The following CDK5 variants were observed in gnomAD, a reference collection of about 807,000 sequenced individuals.
CDK5 encodes cyclin dependent kinase 5, also known as cyclin-dependent kinase 5.
A neutral mutation model predicts 44.6 loss-of-function variants in CDK5; 18 were observed. The ratio of observed to expected loss-of-function variants is 0.40; its 90% CI spans 0.28 to 0.60. CDK5 has a LOEUF of 0.60. Ranked by LOEUF, CDK5 falls within the 20% of genes least tolerant of loss-of-function variation. The probability of loss-of-function intolerance (pLI) is 0.38; values close to 1 mark genes in which losing one functional copy is unlikely to be tolerated. For missense variants in CDK5, 198 were observed against 368.1 expected (o/e 0.54, Z 3.78); for synonymous variants, 143 against 152.8 (o/e 0.94, Z 0.47).
chr7:151,055,807 A>G lies in CDK5; in HGVS notation c.354T>C (p.His118=), dbSNP rs749567698. The change falls in exon 6 of 12, where the codon CAT becomes CAC. Residue 118 remains histidine (H), a synonymous_variant. Coordinates refer to ENST00000485972, the MANE Select transcript of CDK5 (RefSeq NM_004935.4). The part of the protein sequence containing the change: ...FQLLKGLGFC[H]SRNVLHRDLK... The stretch of plus-strand genomic sequence containing the variant: ...GGTCCCTGTGTAGCACATTGCGGCT[A>G]TGACAGAATCCCAGCCCTTTTAGTA... 1 of 1,612,458 alleles carries G rather than the reference A, an allele frequency of 6.2e-7. No homozygotes were observed. The highest frequency in any genetic ancestry group is 2.2e-5 in the East Asian group (1 of 44,862).
In CDK5 at chr7:151,055,553, G is replaced by A. The variant is rs764437263; in HGVS notation, c.462C>T (p.Pro154=). 82 of 1,613,652 alleles carry A rather than the reference G, an allele frequency of 5.1e-5. No homozygotes were observed. The highest frequency in any genetic ancestry group is 6.7e-5 in the African/African-American group (5 of 74,926). ...TCACCTCAGCTGAGTAACAGCGGAC[G>A]GGAATCCCAAAGGCTCGAGCCAGGC... The part of the protein sequence containing the change: ...DFGLARAFGI[P]VRCYSAEVVT... The change falls in exon 7 of 12, where the codon CCC becomes CCT. Residue 154 remains proline, a synonymous_variant. Coordinates refer to ENST00000485972, the MANE Select transcript of CDK5 (RefSeq NM_004935.4).
In CDK5 at chr7:151,057,796, C is replaced by T. The variant is rs1378175700; in HGVS notation, c.37+16G>A. The T allele has an allele frequency of 6.2e-7, 1 of 1,608,914 alleles. No homozygotes were observed. The highest frequency in any genetic ancestry group is 8.5e-7 in the Non-Finnish European group (1 of 1,177,554). On this transcript the variant is annotated intron_variant, in intron 1 of 11. Transcript: ENST00000485972. The surrounding 1 kb of genome is among the most constrained non-coding windows in gnomAD (Gnocchi z 5.2). Reference sequence around the variant, plus strand: ...TGCAGAGGAGCTCTTGCAGGAACATCTCGAGATTCCATTACCTTCCCCAAT... The same window carrying T: ...TGCAGAGGAGCTCTTGCAGGAACATTTCGAGATTCCATTACCTTCCCCAAT...
Position 151,057,528 on chromosome 7 carries a change from G to A in CDK5, c.37+284C>T, listed in dbSNP as rs908942234. ...AAACGAGGCTGGGGGTCGGGGTGAG[G>A]TTGTCCAAGTGCTGCTGAGGCTGGG... On this transcript the variant is annotated intron_variant, in intron 1 of 11. Coordinates refer to ENST00000485972, the MANE Select transcript of CDK5 (RefSeq NM_004935.4). This position sits in a 1 kb window ranked among gnomAD's most constrained non-coding sequence, Gnocchi z 5.2. 6.7e-6 allele frequency: 4 copies of A among 601,162 alleles called. No individual in the cohort carries two copies. Among genetic ancestry groups the A allele is most frequent in the Non-Finnish European group, 1.2e-5 (4 of 338,566 alleles). 37.2% of individuals were successfully genotyped at this position (601,162 alleles called of 1,614,324 possible). A position where few individuals can be genotyped will look rare whatever the true frequency, so the allele number is the denominator to read the frequency against.
Position 151,055,338 on chromosome 7 carries a change from G to A in CDK5, c.519C>T (p.Leu173=), listed in dbSNP as rs1269556994. Residue 173 remains leucine (L), a synonymous_variant, in exon 8 of 12, where the codon CTC becomes CTT. Transcript: ENST00000485972. ...ACGTGGAGTACAGCTTGGCCCCAAA[G>A]AGGACATCCGGTGGGCGGTACCACA... ...VTLWYRPPDV[L]FGAKLYSTSI... 4.3e-6 allele frequency: 7 copies of A among 1,613,946 alleles called. No homozygotes were observed. The South Asian group carries it at 4.4e-5, about 10-fold the overall frequency.
chr7:151,057,053 T>G lies in CDK5; in HGVS notation c.126+19A>C. On this transcript the variant is annotated intron_variant, in intron 2 of 11. Transcript: ENST00000485972. This position sits in a 1 kb window ranked among gnomAD's most constrained non-coding sequence, Gnocchi z 5.2. ...CCCTCAAACCCCTCCCCAGGCCGTA[T>G]CCCACTCCCCAGTCCTACCTCATCA... 1 of 1,612,270 alleles carries G rather than the reference T, an allele frequency of 6.2e-7. No individual in the cohort carries two copies. Among genetic ancestry groups the G allele is most frequent in the Non-Finnish European group, 8.5e-7 (1 of 1,178,498 alleles).
intron 8 of CDK5, 72 bp downstream of exon 8, chr7:151,055,205 G>A (rs1796870555): frequency 2.6e-6 from 4 of 1,566,652 alleles, no homozygotes; most frequent in Non-Finnish European, 3.5e-6. Context: ...TTCCCCCAGA[G>A]GGGACCCTCC....
At position 151,056,713 on chromosome 7, in the gene CDK5, G is replaced by C. The variant is rs371590011; in HGVS notation, c.255+23C>G. Reference sequence around the variant, plus strand: ...GCCCCTATACCTTCCCAAGGCTACTGTCCTCCAAACCCCGCCTTTCACCTG... The same window carrying C: ...GCCCCTATACCTTCCCAAGGCTACTCTCCTCCAAACCCCGCCTTTCACCTG... On this transcript the variant is annotated intron_variant, in intron 4 of 11. Transcript: ENST00000485972. This position sits in a 1 kb window ranked among gnomAD's most constrained non-coding sequence, Gnocchi z 4.7. The C allele has an allele frequency of 6.0e-5, 97 of 1,612,456 alleles. No individual in the cohort carries two copies. Among genetic ancestry groups the C allele is most frequent in the Non-Finnish European group, 7.8e-5 (92 of 1,179,228 alleles).
Position 151,056,859 on chromosome 7 carries a change from G to T in CDK5, c.194+49C>A. ...TGACAGACGTCCAGTGTCAGCCCCCGCCTCCCCCAAGCGGCCACACCGGCA... is the reference window on the plus strand; with the variant it reads ...TGACAGACGTCCAGTGTCAGCCCCCTCCTCCCCCAAGCGGCCACACCGGCA... On this transcript the variant is annotated intron_variant, in intron 3 of 11. Coordinates refer to ENST00000485972, the MANE Select transcript of CDK5 (RefSeq NM_004935.4). The surrounding 1 kb of genome is among the most constrained non-coding windows in gnomAD (Gnocchi z 4.7). 6.3e-7 allele frequency: 1 copy of T among 1,593,576 alleles called. No individual in the cohort carries two copies. The highest frequency in any genetic ancestry group is 8.5e-7 in the Non-Finnish European group (1 of 1,170,292).
rs35051446 is a variant in CDK5 at position 151,053,923 on chromosome 7, G to A, written c.*86C>T. On this transcript the variant is annotated 3_prime_UTR_variant, in exon 12 of 12. Transcript: ENST00000485972. ...GGGCCCAGCACTGCTGGAGCACAGC[G>A]CACCAGGCACCCCCACTGTCTCACC... is the stretch of plus-strand genomic sequence containing the variant. 9.2e-6 allele frequency: 11 copies of A among 1,201,372 alleles called. No individual in the cohort carries two copies. The highest frequency in any genetic ancestry group is 3.0e-5 in the African/African-American group (2 of 66,018). 74.4% of individuals were successfully genotyped at this position (1,201,372 alleles called of 1,614,324 possible).
Position 151,057,599 on chromosome 7 carries a change from G to A in CDK5, c.37+213C>T, listed in dbSNP as rs144861915. On this transcript the variant is annotated intron_variant, in intron 1 of 11. Coordinates refer to ENST00000485972, the MANE Select transcript of CDK5 (RefSeq NM_004935.4). This position sits in a 1 kb window ranked among gnomAD's most constrained non-coding sequence, Gnocchi z 5.2. ...TCGCGGTTGGGAGGTCGGGTCTACT[G>A]GGAACGCTAAGGTTGGAGTGAGAGC... 1 of 657,404 alleles carries A rather than the reference G, an allele frequency of 1.5e-6. No individual in the cohort carries two copies. Among genetic ancestry groups the A allele is most frequent in the African/African-American group, 1.8e-5 (1 of 55,270 alleles). 40.7% of individuals were successfully genotyped at this position (657,404 alleles called of 1,614,324 possible). A position where few individuals can be genotyped will look rare whatever the true frequency, so the allele number is the denominator to read the frequency against.
chr7:151,057,135 G>C lies in CDK5; in HGVS notation c.63C>G (p.Ala21=). Residue 21 remains alanine (A), a synonymous_variant, in exon 2 of 12, where the codon GCC becomes GCG. Coordinates refer to ENST00000485972, the MANE Select transcript of CDK5 (RefSeq NM_004935.4). The surrounding 1 kb of genome is among the most constrained non-coding windows in gnomAD (Gnocchi z 5.2). The part of the protein sequence containing the change: ...GEGTYGTVFK[A]KNRETHEIVA... ...CGATCTCATGAGTCTCCCGGTTTTT[G>C]GCCTTGAACACAGTTCCGTAGGTGC... is the stretch of plus-strand genomic sequence containing the variant. 1 of 1,613,922 alleles carries C rather than the reference G, an allele frequency of 6.2e-7. No individual in the cohort carries two copies. The highest frequency in any genetic ancestry group is 8.5e-7 in the Non-Finnish European group (1 of 1,179,850).
Position 151,057,338 on chromosome 7 carries a change from G to A in CDK5, c.38-178C>T, listed in dbSNP as rs1796920229. 3 of 645,666 alleles carry A rather than the reference G, an allele frequency of 4.6e-6. No homozygotes were observed. In the East Asian group the frequency reaches 8.0e-5, roughly 17 times the overall value. 40.0% of individuals were successfully genotyped at this position (645,666 alleles called of 1,614,324 possible). A position where few individuals can be genotyped will look rare whatever the true frequency, so the allele number is the denominator to read the frequency against. On this transcript the variant is annotated intron_variant, in intron 1 of 11. Coordinates refer to ENST00000485972, the MANE Select transcript of CDK5 (RefSeq NM_004935.4). This position sits in a 1 kb window ranked among gnomAD's most constrained non-coding sequence, Gnocchi z 5.2. ...GGCAGGTGGGGAGGGAGGAGAAGGT[G>A]CCCACCGAGGCTCCAGGGGCTCGGC...
rs1796893218 is a variant in CDK5, at chr7:151,056,317, G to A, written c.312+263C>T. 3 of 587,486 alleles carry A rather than the reference G, an allele frequency of 5.1e-6. No individual in the cohort carries two copies. The highest frequency in any genetic ancestry group is 2.1e-5 in the South Asian group (1 of 47,764). The allele number at this position is 587,486 out of a possible 1,614,324, so 36.4% of individuals were successfully genotyped here. ...GTAAGTATGTGTTGAATGAATGAGT[G>A]TATCTCCTTGAACCTCATTTTCTCA... On this transcript the variant is annotated intron_variant, in intron 5 of 11. Transcript: ENST00000485972. This position sits in a 1 kb window ranked among gnomAD's most constrained non-coding sequence, Gnocchi z 4.7.
At position 151,054,077 on chromosome 7, in the gene CDK5, G is replaced by T; in HGVS notation, c.811C>A (p.Pro271Thr). The T allele has an allele frequency of 6.2e-7, 1 of 1,601,930 alleles. No individual in the cohort carries two copies. Among genetic ancestry groups the T allele is most frequent in the Non-Finnish European group, 8.5e-7 (1 of 1,174,396 alleles). ...DLLQNLLKCN[P>T]VQRISAEEAL... ...TCTTCTGCTGAGATACGCTGGACAG[G>T]GTTACACTTCAGAAGGTTCTGGAGA... The change falls in exon 12 of 12, where the codon CCT becomes ACT. Residue 271 changes from proline (P) to threonine (T), a missense_variant. Pro to Thr is a conservative substitution (Grantham distance 38). This residue lies in a region of CDK5 where 81 missense variants were observed against 102.1 expected (regional missense o/e 0.79). Coordinates refer to ENST00000485972, the MANE Select transcript of CDK5 (RefSeq NM_004935.4). The surrounding 1 kb of genome is among the most constrained non-coding windows in gnomAD (Gnocchi z 5.7).
At position 151,055,151 on chromosome 7, in the gene CDK5, G is replaced by T. The variant is rs372172153; in HGVS notation, c.581-55C>A. 5 of 1,583,770 alleles carry T rather than the reference G, an allele frequency of 3.2e-6. No homozygotes were observed. In the African/African-American group the frequency reaches 6.7e-5, roughly 21 times the overall value. On this transcript the variant is annotated intron_variant, in intron 8 of 11. Transcript: ENST00000485972. ...ACATGTGAAGGACCCCTCACTCTGAGGTACCCCCTGACCTTCCAGCTCCAG... is the reference window on the plus strand; with the variant it reads ...ACATGTGAAGGACCCCTCACTCTGATGTACCCCCTGACCTTCCAGCTCCAG...
rs1354558557 is a variant in CDK5, at chr7:151,057,850, G to A, written c.-2C>T. On this transcript the variant is annotated 5_prime_UTR_variant, in exon 1 of 12. Transcript: ENST00000485972. This position sits in a 1 kb window ranked among gnomAD's most constrained non-coding sequence, Gnocchi z 5.2. ...TTCCAGTTTCTCGTATTTCTGCATC[G>A]CGGCGGCCGCGGGGACCCCTGCGGG... The A allele has an allele frequency of 6.2e-7, 1 of 1,609,812 alleles. No individual in the cohort carries two copies. Among genetic ancestry groups the A allele is most frequent in the Non-Finnish European group, 8.5e-7 (1 of 1,178,292 alleles).
rs373172008 is a variant in CDK5 at position 151,054,995 on chromosome 7, A to G, written c.650+32T>C. 1.2e-6 allele frequency: 2 copies of G among 1,609,486 alleles called. No individual in the cohort carries two copies. Among genetic ancestry groups the G allele is most frequent in the East Asian group, 2.2e-5 (1 of 44,854 alleles). ...AAAACTCCATGGACTCTCCCCTCCCAGAGGGCTCAAGGCAGAGGAAAGCAA... is the reference window on the plus strand; with the variant it reads ...AAAACTCCATGGACTCTCCCCTCCCGGAGGGCTCAAGGCAGAGGAAAGCAA... On this transcript the variant is annotated intron_variant, in intron 9 of 11. Coordinates refer to ENST00000485972, the MANE Select transcript of CDK5 (RefSeq NM_004935.4). This position sits in a 1 kb window ranked among gnomAD's most constrained non-coding sequence, Gnocchi z 5.7.
At position 151,056,952 on chromosome 7, in the gene CDK5, C is replaced by A. The variant is rs767003240; in HGVS notation, c.150G>T (p.Arg50=). The A allele has an allele frequency of 1.8e-5, 29 of 1,613,634 alleles. No homozygotes were observed. In the Admixed American group the frequency reaches 3.7e-4, roughly 20 times the overall value. ...DDEGVPSSAL[R]EICLLKELKH... is the part of the protein sequence containing the mutation. The stretch of plus-strand genomic sequence containing the variant: ...TCAGCTCCTTGAGTAGGCAGATCTC[C>A]CGGAGGGCGGAACTCGGCACACCCT... The change falls in exon 3 of 12, where the codon CGG becomes CGT. Residue 50 remains arginine, a synonymous_variant. Transcript: ENST00000485972. This position sits in a 1 kb window ranked among gnomAD's most constrained non-coding sequence, Gnocchi z 4.7.
intron 5 of CDK5, 41 bp from the exon 6 acceptor site, chr7:151,055,889 A>G (rs971951393): frequency 1.4e-6 from 2 of 1,389,098 alleles, no homozygotes; most frequent in Non-Finnish European, 1.0e-6. Flanking sequence ...CGCCCTGAAC[A>G]TGCAACTGTG....
Sources: allele counts gnomAD v4.1 joint callset, GRCh38; gene constraint gnomAD v4.1.1; regional missense constraint gnomAD v4.1.1; non-coding constraint Gnocchi (gnomAD v3.1); transcripts MANE v1.5; gene names NCBI Gene and HGNC (gene_info 2026-07-23, HGNC 2026-07-21).